Variants in SYNE2 observed in about 807,000 individuals in gnomAD.
SYNE2 encodes the protein nesprin-2.
A neutral mutation model predicts 856.3 loss-of-function variants in SYNE2; 431 were observed. The ratio of observed to expected loss-of-function variants is 0.50; its 90% confidence interval spans 0.47 to 0.55. The LOEUF (loss-of-function observed/expected upper bound fraction) is 0.55. Ranked by LOEUF, SYNE2 falls within the 20% of genes least tolerant of loss-of-function variation. The pLI is 0.00. For missense variants in SYNE2, 8,129 were observed against 8,023.2 expected (o/e 1.01, Z -0.50); for synonymous variants, 2,923 against 2,872.3 (o/e 1.02, Z -0.56).
chr14:63,842,920 C>A, intron 1 of SYNE2, among the ~76,000 whole-genome samples: 1 of 152,084 alleles, frequency 6.6e-6, no homozygotes, highest in East Asian at 1.9e-4. Flanking sequence ...GTTACGTTTA[C>A]TCTTAGATAT....
intron 8 of SYNE2, among the ~76,000 whole-genome samples, chr14:63,957,036 T>C (rs2096249222): frequency 6.6e-6 from 1 of 152,074 alleles, no homozygotes; most frequent in Admixed American, 6.6e-5. Context: ...ATACAATATA[T>C]GGTCTTTGTG....
At chr14:63,851,917 TA>T (rs1004265044), upstream of SYNE2, among the ~76,000 whole-genome samples, 182 of 137,662 alleles carry the variant, frequency 1.3e-3, no homozygotes, top group Middle Eastern at 4.1e-3. Context: ...ACCCCGACTC[TA>T]AAAAAATGCA....
intron 1 of SYNE2, among the ~76,000 whole-genome samples, chr14:63,803,258 G>A (rs1172332364): frequency 6.6e-6 from 1 of 152,236 alleles, no homozygotes; most frequent in African/African-American, 2.4e-5. Context: ...CCAGCGCGGT[G>A]CGCTCGCACT....
At chr14:64,196,284 G>T (rs1466355726) in intron 99 of SYNE2, among the ~76,000 whole-genome samples, 2 of 152,182 alleles carry the variant, frequency 1.3e-5, no homozygotes, top group Admixed American at 1.3e-4. Flanking sequence ...GGCTGGGAAT[G>T]AGTCTAAGGT....
In SYNE2 at chr14:63,863,844, G is replaced by A. The variant is rs924638920; in HGVS notation, c.-52+10701G>A. Among the ~76,000 whole-genome samples the A allele has an allele frequency of 2.0e-5, 3 of 152,002 alleles. 1 individual carries two copies. Among genetic ancestry groups the A allele is most frequent in the African/African-American group, 7.3e-5 (3 of 41,374 alleles). On this transcript the variant is annotated intron_variant, in intron 1 of 115. Coordinates refer to ENST00000555002, the MANE Select transcript of SYNE2 (RefSeq NM_182914.3). ...ATCTTTATTATCATTATTTTTTCGA[G>A]ATGGAGTTTCGCCCTTGTTGCCAGC...
chr14:64,151,663 C>T (rs927045732), intron 84 of SYNE2, among the ~76,000 whole-genome samples: 7 of 152,026 alleles, frequency 4.6e-5, no homozygotes, highest in Non-Finnish European at 1.0e-4. Flanking sequence ...ATTCAGAACA[C>T]ATGCATCTGG....
intron 96 of SYNE2, among the ~76,000 whole-genome samples, chr14:64,182,448 G>C (rs950381618): frequency 4.0e-5 from 6 of 151,590 alleles, no homozygotes. Context: ...GGGGGATTTG[G>C]CACGGTCATA....
At chr14:64,151,898 G>C (rs61987288) in intron 84 of SYNE2, among the ~76,000 whole-genome samples, 3,526 of 152,222 alleles carry the variant, frequency 0.023, 52 homozygotes, top group African/African-American at 0.04. Flanking sequence ...AAGCAGCTCC[G>C]ACCGTCCTTC....
intron 50 of SYNE2, among the ~76,000 whole-genome samples, chr14:64,063,978 CAAT>C (rs577303410): frequency 2.2e-3 from 335 of 152,176 alleles, no homozygotes; most frequent in Admixed American, 4.0e-3. Context: ...AGGTCAACAA[CAAT>C]AACAGAGAAA....
At chr14:64,082,114 G>C (rs2097529013) in intron 57 of SYNE2, among the ~76,000 whole-genome samples, 2 of 151,968 alleles carry the variant, frequency 1.3e-5, no homozygotes, top group African/African-American at 4.8e-5. Flanking sequence ...GCATAGGATA[G>C]TGCTGATGGT....
chr14:64,221,256 GGAACCCAGCAGA>G (rs953456297), intron 111 of SYNE2, among the ~76,000 whole-genome samples: 12 of 152,250 alleles, frequency 7.9e-5, no homozygotes, highest in African/African-American at 2.6e-4. Flanking sequence ...CTCTGCCACT[GGAACCCAGCAGA>G]GAACCCAGCA....
At chr14:64,004,522 G>T (rs1207106799) in intron 30 of SYNE2, among the ~76,000 whole-genome samples, 1 of 152,070 alleles carries the variant, frequency 6.6e-6, no homozygotes, top group Admixed American at 6.6e-5. Context: ...TAGAGACGGG[G>T]TTTCACCATG....
chr14:63,945,599 TTTTA>T (rs1311933177), intron 6 of SYNE2, among the ~76,000 whole-genome samples: 1 of 152,280 alleles, frequency 6.6e-6, no homozygotes, highest in African/African-American at 2.4e-5. Context: ...CTGCCAGTTT[TTTTA>T]TTTGTTTGTT....
chr14:64,107,271 A>G (rs2097777689), intron 64 of SYNE2, among the ~76,000 whole-genome samples: 1 of 152,236 alleles, frequency 6.6e-6, no homozygotes, highest in Non-Finnish European at 1.5e-5. Flanking sequence ...TGTGCTCATT[A>G]AGAAGAGAAG....
intron 66 of SYNE2, among the ~76,000 whole-genome samples, chr14:64,114,251 C>T (rs891046856): frequency 3.3e-5 from 5 of 152,136 alleles, no homozygotes; most frequent in Non-Finnish European, 7.3e-5. Context: ...GGTTTCTAAT[C>T]CCTCCAGGGA....
chr14:63,948,716 A>ATT (rs1194412879), intron 6 of SYNE2, among the ~76,000 whole-genome samples: 2 of 56,938 alleles, frequency 3.5e-5, no homozygotes, highest in Admixed American at 2.3e-4. Context: ...GTATATATAT[A>ATT]TGTGTGTATA....
At chr14:63,833,978 A>G (rs1889760450) in intron 1 of SYNE2, among the ~76,000 whole-genome samples, 1 of 152,098 alleles carries the variant, frequency 6.6e-6, no homozygotes. Context: ...CTGCTTTGCT[A>G]TCACCTAGTA....
At position 64,051,884 on chromosome 14, in the gene SYNE2, A is replaced by C; in HGVS notation, c.7971A>C (p.Glu2657Asp). The stretch of plus-strand genomic sequence containing the variant: ...TACAGTTAAGGCTGAAGTCTCCAGA[A>C]GAACGGGCAGGGAACCAAAGCATGA... ...QHLQLRLKSP[E>D]ERAGNQSMIA... Residue 2657 changes from glutamate (E) to aspartate (D), a missense_variant, in exon 48 of 116, where the codon GAA (glutamate) becomes GAC (aspartate). By Grantham distance (45) the Glu-to-Asp change is conservative. This residue lies in a region of SYNE2 where 5,410 missense variants were observed against 5,284.8 expected (regional missense o/e 1.02). Transcript: ENST00000555002. 1 of 1,613,996 alleles carries C rather than the reference A, an allele frequency of 6.2e-7. No homozygotes were observed. The highest frequency in any genetic ancestry group is 8.5e-7 in the Non-Finnish European group (1 of 1,180,034).
At chr14:63,915,484 G>A (rs748238038) in intron 2 of SYNE2, among the ~76,000 whole-genome samples, 1 of 152,140 alleles carries the variant, frequency 6.6e-6, no homozygotes, top group Non-Finnish European at 1.5e-5. Flanking sequence ...TAGAAAAACA[G>A]CATCCAGATA....
Sources: gnomAD v4.1 joint callset for allele counts (sites outside exome capture counted in the v4.1 genomes callset) on GRCh38, gnomAD v4.1.1 for gene constraint, gnomAD v4.1.1 regional missense constraint, MANE v1.5 for transcripts, NCBI Gene and HGNC (gene_info 2026-07-23, HGNC 2026-07-21) for gene names.